The following ATG7 variants were observed in gnomAD, a reference collection of about 807,000 sequenced individuals.
ATG7 encodes ubiquitin-like modifier-activating enzyme ATG7.
ATG7 carries 70 observed loss-of-function variants against 82.4 expected under a neutral mutation model. The ratio of observed to expected loss-of-function variants is 0.85; its 90% CI spans 0.70 to 1.04. The LOEUF (loss-of-function observed/expected upper bound fraction) is 1.04, where lower values mean the gene tolerates loss of function less well. Ranked by LOEUF, ATG7 falls within the 50% of genes least tolerant of loss-of-function variation. The pLI, the probability that ATG7 is intolerant of heterozygous loss-of-function variation, is 0.00. For missense variants in ATG7, 792 were observed against 864.3 expected, an observed-to-expected ratio of 0.92 and a Z score of 1.05; for synonymous variants, 287 against 313.0, an observed-to-expected ratio of 0.92 and a Z score of 0.88.
At chr3:11,422,433 A>G (rs2082008887) in intron 19 of ATG7, among the ~76,000 whole-genome samples, 2 of 152,200 alleles carry the variant, frequency 1.3e-5, no homozygotes, top group African/African-American at 4.8e-5. Flanking sequence ...GCTAGCTTCC[A>G]GCTGTGCCTC....
chr3:11,396,131 G>C (rs2079250804), intron 19 of ATG7, among the ~76,000 whole-genome samples: 2 of 148,372 alleles, frequency 1.3e-5, no homozygotes, highest in Non-Finnish European at 3.0e-5. Context: ...AAAAAAAAAA[G>C]TATAGAAAGT....
chr3:11,560,505 T>C (rs2072885337), downstream of ATG7, among the ~76,000 whole-genome samples: 1 of 152,162 alleles, frequency 6.6e-6, no homozygotes, highest in African/African-American at 2.4e-5. Flanking sequence ...TCCATTAAAG[T>C]TAGAGCAGTA....
At chr3:11,392,603 A>G (rs947659418) in intron 19 of ATG7, among the ~76,000 whole-genome samples, 1 of 152,156 alleles carries the variant, frequency 6.6e-6, no homozygotes, top group African/African-American at 2.4e-5. Context: ...CTGTCTCTGT[A>G]GCTTCCTGTG....
chr3:11,312,264 A>G (rs963800108), intron 7 of ATG7, among the ~76,000 whole-genome samples: 1 of 152,192 alleles, frequency 6.6e-6, no homozygotes, highest in African/African-American at 2.4e-5. Flanking sequence ...AGCTACATAA[A>G]CTGCATTCAT....
At chr3:11,526,289 G>T (rs1388668187) in intron 20 of ATG7, among the ~76,000 whole-genome samples, 2 of 152,094 alleles carry the variant, frequency 1.3e-5, no homozygotes, top group East Asian at 3.9e-4. Flanking sequence ...TACTCAGGTG[G>T]CTGAGGCAAG....
downstream of ATG7, chr3:11,558,919 C>T (rs1466312885): frequency 5.2e-5 from 76 of 1,459,420 alleles, 1 homozygote; most frequent in South Asian, 7.6e-4. Context: ...AGCCCAGAGC[C>T]GGACTGGCTG....
chr3:11,307,218 C>T (rs549648296), intron 6 of ATG7, among the ~76,000 whole-genome samples, 158 bp downstream of exon 6: 1 of 152,296 alleles, frequency 6.6e-6, no homozygotes, highest in East Asian at 1.9e-4. Context: ...GAGAATACTC[C>T]CAGCTGTCTC....
In ATG7 at chr3:11,298,708, A is replaced by G; in HGVS notation, c.13A>G (p.Thr5Ala). 1 of 1,614,020 alleles carries G rather than the reference A, an allele frequency of 6.2e-7. No individual in the cohort carries two copies. The highest frequency in any genetic ancestry group is 1.1e-5 in the South Asian group (1 of 91,036). The part of the protein sequence containing the change: MAAA[T>A]GDPGLSKLQF... ...TAGGCAAGAAATAATGGCGGCAGCT[A>G]CGGGGGATCCTGGACTCTCTAAACT... Residue 5 changes from threonine to alanine, a missense_variant, in exon 4 of 21, where the codon ACG becomes GCG. Thr to Ala is a moderately conservative substitution (Grantham distance 58). Transcript: ENST00000693202.
intron 11 of ATG7, among the ~76,000 whole-genome samples, chr3:11,335,294 G>GT (rs1952273320): frequency 6.6e-6 from 1 of 152,044 alleles, no homozygotes; most frequent in Non-Finnish European, 1.5e-5. Context: ...TCGCAGGGGT[G>GT]TCCAATCTTT....
At chr3:11,540,860 T>A (rs2125021961) in intron 20 of ATG7, among the ~76,000 whole-genome samples, 1 of 150,666 alleles carries the variant, frequency 6.6e-6, no homozygotes, top group Admixed American at 6.6e-5. Context: ...AAAGTCTTAC[T>A]GATTTTTCTT....
intron 20 of ATG7, among the ~76,000 whole-genome samples, chr3:11,518,545 C>CAA (rs907867265): frequency 1.7e-5 from 2 of 120,594 alleles, no homozygotes; most frequent in African/African-American, 3.1e-5. Flanking sequence ...GACACCCTCT[C>CAA]AAAAAAAAAA....
intron 20 of ATG7, among the ~76,000 whole-genome samples, chr3:11,471,719 A>G (rs1407061190): frequency 1.4e-4 from 19 of 133,928 alleles, no homozygotes; most frequent in Non-Finnish European, 2.7e-4. Flanking sequence ...TCAGAAAAGT[A>G]CTTCATAGAT....
intron 20 of ATG7, among the ~76,000 whole-genome samples, chr3:11,529,203 A>G (rs116196480): frequency 0.015 from 2,264 of 152,336 alleles, 57 homozygotes; most frequent in African/African-American, 0.049. Context: ...AAAGCCAGCC[A>G]GGTTGAAGAG....
At chr3:11,339,194 G>A (rs1953058542) in intron 11 of ATG7, among the ~76,000 whole-genome samples, 1 of 151,560 alleles carries the variant, frequency 6.6e-6, no homozygotes, top group Non-Finnish European at 1.5e-5. Flanking sequence ...TACTCGGGAG[G>A]CTGAGACAGG....
chr3:11,401,526 G>A (rs1296260114), intron 19 of ATG7, among the ~76,000 whole-genome samples: 1 of 152,128 alleles, frequency 6.6e-6, no homozygotes, highest in African/African-American at 2.4e-5. Context: ...CTACACTCAT[G>A]GTATCCACTC....
In ATG7 at chr3:11,554,878, C is replaced by T. The variant is rs200755603; in HGVS notation, c.*35C>T. On this transcript the variant is annotated 3_prime_UTR_variant, in exon 21 of 21. Coordinates refer to ENST00000693202, the MANE Select transcript of ATG7 (RefSeq NM_001349232.2). ...GCTGTGGGGCTGACTTCTCCCCGGC[C>T]GCCTGCTGAGGAGCTCTCCATCGCC... 49 of 1,607,878 alleles carry T rather than the reference C, an allele frequency of 3.0e-5. No homozygotes were observed. The highest frequency in any genetic ancestry group is 6.7e-5 in the East Asian group (3 of 44,768).
At chr3:11,285,340 A>AT (rs984348026) in intron 3 of ATG7, among the ~76,000 whole-genome samples, 12 of 148,836 alleles carry the variant, frequency 8.1e-5, no homozygotes, top group Admixed American at 1.3e-4. Context: ...GTGCCTGGCA[A>AT]TTTTTTTTTA....
intron 20 of ATG7, among the ~76,000 whole-genome samples, chr3:11,452,148 C>T (rs1048005656): frequency 5.9e-5 from 9 of 151,892 alleles, no homozygotes; most frequent in African/African-American, 2.2e-4. Context: ...CTTTGAGAGG[C>T]TGAGGCAGGC....
At position 11,348,178 on chromosome 3, in the gene ATG7, TC is replaced by T. The variant is rs1043279304; in HGVS notation, c.1284+145del. The T allele has an allele frequency of 1.4e-5, 16 of 1,174,822 alleles. No individual in the cohort carries two copies. The African/African-American group carries it at 2.0e-4, about 15-fold the overall frequency. 72.8% of individuals were successfully genotyped at this position (1,174,822 alleles called of 1,614,324 possible). On this transcript the variant is annotated intron_variant, in intron 14 of 20. Transcript: ENST00000693202. ...CTCGCTATGTGGCTGAACCTCTGTT[TC>T]CTCATCTCAGAGAGGGATAAAAAAA...
Sources: allele counts gnomAD v4.1 joint callset (sites outside exome capture counted in the v4.1 genomes callset), GRCh38; gene constraint gnomAD v4.1.1; transcripts MANE v1.5; gene names NCBI Gene and HGNC (gene_info 2026-07-23, HGNC 2026-07-21).